The following SUSD6 variants were observed in gnomAD, a reference collection of about 807,000 sequenced individuals.
The protein encoded by SUSD6 is sushi domain containing 6.
A neutral mutation model predicts 28.4 loss-of-function variants in SUSD6; 16 were observed. The ratio of observed to expected loss-of-function variants is 0.56; its 90% CI spans 0.38 to 0.86. The LOEUF (loss-of-function observed/expected upper bound fraction) is 0.86, where lower values mean the gene tolerates loss of function less well. SUSD6 is among the 40% of genes least tolerant of loss of function. SUSD6 has a pLI of 0.00. For missense variants in SUSD6, 341 were observed against 384.2 expected (o/e 0.89, Z 0.94); for synonymous variants, 147 against 159.6 (o/e 0.92, Z 0.59).
chr14:69,683,013 C>T (rs1475146737), intron 2 of SUSD6, among the ~76,000 whole-genome samples: 8 of 118,120 alleles, frequency 6.8e-5, no homozygotes, highest in African/African-American at 2.5e-4. Flanking sequence ...GAAGTTGCTT[C>T]ATCATTTCCC....
intron 1 of SUSD6, among the ~76,000 whole-genome samples, chr14:69,615,333 AT>A (rs1468678968): frequency 1.3e-5 from 2 of 152,188 alleles, no homozygotes; most frequent in Non-Finnish European, 2.9e-5. Context: ...GGCAACAGCC[AT>A]TGTGTGTCCC....
intron 2 of SUSD6, among the ~76,000 whole-genome samples, chr14:69,699,476 T>C (rs1886281918): frequency 6.6e-6 from 1 of 152,092 alleles, no homozygotes; most frequent in South Asian, 2.1e-4. Flanking sequence ...AGCGCTGGGA[T>C]TGTAGGCGTG....
chr14:69,652,233 G>A lies in SUSD6; in HGVS notation c.-80-6280G>A, dbSNP rs572148452. Among the ~76,000 whole-genome samples, 60 of 152,282 alleles carry A rather than the reference G, an allele frequency of 3.9e-4. No homozygotes were observed. The South Asian group carries it at 0.012, about 30-fold the overall frequency. On this transcript the variant is annotated intron_variant, in intron 1 of 5. Transcript: ENST00000342745. ...AGGTCGAGACAGGCAGATCACTTGAGGTCAGGAGTTAGAGACCAGCTTGAT... is the reference window on the plus strand; with the variant it reads ...AGGTCGAGACAGGCAGATCACTTGAAGTCAGGAGTTAGAGACCAGCTTGAT...
In SUSD6 at chr14:69,711,362, C is replaced by A; in HGVS notation, c.*383C>A. On this transcript the variant is annotated 3_prime_UTR_variant, in exon 6 of 6. Coordinates refer to ENST00000342745, the MANE Select transcript of SUSD6 (RefSeq NM_014734.4). ...GCTGTGTTTACTTGTGCCTTTCCCC[C>A]ACCCTGTCCAGTTTCCCTGTCATGC... The A allele has an allele frequency of 3.9e-6, 1 of 258,430 alleles. No individual in the cohort carries two copies. The allele number at this position is 258,430 out of a possible 1,614,324, so 16.0% of individuals were successfully genotyped here.
intron 2 of SUSD6, among the ~76,000 whole-genome samples, chr14:69,675,099 A>G (rs1349925935): frequency 2.0e-5 from 3 of 149,878 alleles, no homozygotes; most frequent in Non-Finnish European, 4.4e-5. Flanking sequence ...TTTTTCATTT[A>G]CTGGAAGAAT....
intron 1 of SUSD6, among the ~76,000 whole-genome samples, chr14:69,646,172 G>A (rs992890275): frequency 1.3e-5 from 2 of 152,096 alleles, no homozygotes; most frequent in African/African-American, 4.8e-5. Flanking sequence ...TTCAGTCTTC[G>A]TCTTTCTGGG....
chr14:69,634,663 G>A (rs1454014049), intron 1 of SUSD6, among the ~76,000 whole-genome samples: 1 of 152,242 alleles, frequency 6.6e-6, no homozygotes, highest in Non-Finnish European at 1.5e-5. Flanking sequence ...ATTCTAGGTA[G>A]GAAGTGTGGT....
intron 1 of SUSD6, among the ~76,000 whole-genome samples, chr14:69,619,696 G>C (rs1391041757): frequency 6.6e-6 from 1 of 152,074 alleles, no homozygotes; most frequent in Non-Finnish European, 1.5e-5. Flanking sequence ...GCTTGAGCTT[G>C]GGAAGTCAAG....
At chr14:69,630,392 G>T (rs1314203692) in intron 1 of SUSD6, among the ~76,000 whole-genome samples, 1 of 152,196 alleles carries the variant, frequency 6.6e-6, no homozygotes, top group Non-Finnish European at 1.5e-5. Flanking sequence ...GGTCAGGCTG[G>T]TGCCTCAGAA....
intron 1 of SUSD6, among the ~76,000 whole-genome samples, chr14:69,623,643 C>T (rs940652925): frequency 6.6e-6 from 1 of 152,260 alleles, no homozygotes; most frequent in East Asian, 1.9e-4. Flanking sequence ...GGCATTGTTA[C>T]AGGAAATAAC....
chr14:69,698,396 T>C (rs934495589), intron 2 of SUSD6, among the ~76,000 whole-genome samples: 1 of 152,188 alleles, frequency 6.6e-6, no homozygotes, highest in African/African-American at 2.4e-5. Flanking sequence ...TCAACCCTAA[T>C]CCCTTTGAGG....
rs995212828 is a variant in SUSD6, at chr14:69,712,869, G to A, written c.*1890G>A. 7 of 152,424 alleles carry A rather than the reference G, an allele frequency of 4.6e-5. No homozygotes were observed. The highest frequency in any genetic ancestry group is 1.3e-4 in the Admixed American group (2 of 15,272). 9.4% of individuals were successfully genotyped at this position (152,424 alleles called of 1,614,324 possible). ...GCTGAGTCCAGGAAAGCATAGTTAG[G>A]TAGGGAGCTGGTTGGAGAAGGTGCT... is the stretch of plus-strand genomic sequence containing the variant. On this transcript the variant is annotated 3_prime_UTR_variant, in exon 6 of 6. Transcript: ENST00000342745.
chr14:69,665,912 A>G (rs1885733026), intron 2 of SUSD6, among the ~76,000 whole-genome samples: 1 of 152,216 alleles, frequency 6.6e-6, no homozygotes, highest in Non-Finnish European at 1.5e-5. Flanking sequence ...CTGCTTTATA[A>G]GATTGTAGTG....
At chr14:69,662,750 C>T (rs1252011522) in intron 2 of SUSD6, among the ~76,000 whole-genome samples, 2 of 152,194 alleles carry the variant, frequency 1.3e-5, no homozygotes, top group East Asian at 1.9e-4. Context: ...TTTCATTTTA[C>T]CTGTAGTCTT....
chr14:69,621,681 T>G (rs560871604), intron 1 of SUSD6, among the ~76,000 whole-genome samples: 1 of 152,328 alleles, frequency 6.6e-6, no homozygotes, highest in East Asian at 1.9e-4. Context: ...AGAAATATAT[T>G]TAGTATCCAG....
chr14:69,619,612 A>T (rs867474262), intron 1 of SUSD6, among the ~76,000 whole-genome samples: 44 of 151,912 alleles, frequency 2.9e-4, no homozygotes, highest in African/African-American at 9.4e-4. Context: ...AAAAAAAAAA[A>T]AATTAAAAAT....
chr14:69,650,535 G>C (rs1173062616), intron 1 of SUSD6, among the ~76,000 whole-genome samples: 1 of 152,176 alleles, frequency 6.6e-6, no homozygotes, highest in Non-Finnish European at 1.5e-5. Flanking sequence ...CTTGTCCAAG[G>C]TTGGCCCCTC....
intron 1 of SUSD6, among the ~76,000 whole-genome samples, chr14:69,633,858 A>G (rs2139598546): frequency 6.6e-6 from 1 of 152,336 alleles, no homozygotes; most frequent in African/African-American, 2.4e-5. Context: ...GATACATGGA[A>G]TAAACAAATG....
intron 3 of SUSD6, 86 bp downstream of exon 3, chr14:69,703,678 A>G: frequency 2.3e-6 from 3 of 1,291,042 alleles, no homozygotes; most frequent in Non-Finnish European, 3.3e-6. Context: ...CCTCCAGAGC[A>G]CTCTTTGCTG....
Sources: gnomAD v4.1 joint callset for allele counts (sites outside exome capture counted in the v4.1 genomes callset) on GRCh38, gnomAD v4.1.1 for gene constraint, MANE v1.5 for transcripts, NCBI Gene and HGNC (gene_info 2026-07-23, HGNC 2026-07-21) for gene names.